The following PPIP5K2 variants were observed in gnomAD, a reference collection of about 807,000 sequenced individuals.
PPIP5K2 encodes inositol hexakisphosphate and diphosphoinositol-pentakisphosphate kinase 2.
A neutral mutation model predicts 154.6 loss-of-function variants in PPIP5K2; 105 were observed. The ratio of observed to expected loss-of-function variants is 0.68; its 90% CI spans 0.58 to 0.80. The LOEUF is 0.80. PPIP5K2 is among the 30% of genes least tolerant of loss of function. PPIP5K2 has a pLI of 0.00. For missense variants in PPIP5K2, 992 were observed against 1,504.6 expected (o/e 0.66, Z 5.64); for synonymous variants, 480 against 490.3 (o/e 0.98, Z 0.28).
chr5:103,173,351 C>T (rs2149703226), intron 20 of PPIP5K2, 69 bp downstream of exon 20: 3 of 1,498,448 alleles, frequency 2.0e-6, no homozygotes, highest in Non-Finnish European at 2.7e-6. Flanking sequence ...TTAAATTATA[C>T]TTTGATGGTC....
chr5:103,139,316 C>T (rs1173243717), intron 5 of PPIP5K2, among the ~76,000 whole-genome samples: 1 of 151,962 alleles, frequency 6.6e-6, no homozygotes, highest in Non-Finnish European at 1.5e-5. Flanking sequence ...CCAAATATAC[C>T]CTCCAGTGAT....
chr5:103,120,811 G>A (rs1491000092), intron 1 of PPIP5K2: 1 of 271,322 alleles, frequency 3.7e-6, no homozygotes, highest in Non-Finnish European at 7.7e-6. Flanking sequence ...CTCCACTGAA[G>A]TGATTAGCCT....
Position 103,154,705 on chromosome 5 carries a change from A to G in PPIP5K2, c.1253A>G (p.Lys418Arg). The change falls in exon 12 of 31, where the codon AAA becomes AGA. Residue 418 changes from lysine (K) to arginine (R), a missense_variant. By Grantham distance (26) the Lys-to-Arg change is conservative (BLOSUM62 2). Coordinates refer to ENST00000358359, the MANE Select transcript of PPIP5K2 (RefSeq NM_001276277.3). The part of the protein sequence containing the change: ...FDLFEKCDGY[K>R]SGKLKLKKPK... ...CTTTTTGAAAAGTGTGATGGATATA[A>G]ATCAGGGAAATTAAAACTCAAAAAA... 6.3e-7 allele frequency: 1 copy of G among 1,579,196 alleles called. No individual in the cohort carries two copies. Among genetic ancestry groups the G allele is most frequent in the Non-Finnish European group, 8.6e-7 (1 of 1,157,034 alleles).
chr5:103,194,795 T>C (rs1026537505), intron 29 of PPIP5K2, 105 bp from the exon 30 acceptor site: 21 of 1,255,680 alleles, frequency 1.7e-5, no homozygotes, highest in African/African-American at 7.5e-5. Context: ...TCTTCTGTTA[T>C]TATGAATATT....
At chr5:103,165,453 T>G (rs556840249) in intron 17 of PPIP5K2, among the ~76,000 whole-genome samples, 2 of 152,118 alleles carry the variant, frequency 1.3e-5, no homozygotes, top group Non-Finnish European at 2.9e-5. Context: ...ATTTCAACTT[T>G]TTTTTACACT....
intron 30 of PPIP5K2, among the ~76,000 whole-genome samples, chr5:103,200,148 G>C (rs562463263): frequency 6.6e-6 from 1 of 152,300 alleles, no homozygotes; most frequent in African/African-American, 2.4e-5. Context: ...GTTCCGTGAA[G>C]TGGCTGGCAA....
chr5:103,199,613 A>G (rs568267261), intron 30 of PPIP5K2, among the ~76,000 whole-genome samples: 31 of 151,518 alleles, frequency 2.0e-4, no homozygotes, highest in Admixed American at 2.0e-3. Flanking sequence ...AGGCATATTT[A>G]TGTCTATTTT....
At chr5:103,128,783 T>C (rs1790139192) in intron 1 of PPIP5K2, among the ~76,000 whole-genome samples, 1 of 152,204 alleles carries the variant, frequency 6.6e-6, no homozygotes, top group African/African-American at 2.4e-5. Flanking sequence ...CTGACTCTAA[T>C]CTTTTTTTGT....
chr5:103,152,548 CTAGA>C, intron 9 of PPIP5K2, 96 bp from the exon 10 acceptor site: 1 of 676,706 alleles, frequency 1.5e-6, no homozygotes, highest in Non-Finnish European at 2.6e-6. Context: ...GATGTAATCA[CTAGA>C]TAGTTTAACT....
At chr5:103,187,084 T>C (rs1483924444) in intron 27 of PPIP5K2, among the ~76,000 whole-genome samples, 6 of 152,280 alleles carry the variant, frequency 3.9e-5, no homozygotes, top group Admixed American at 1.3e-4. Flanking sequence ...TTACCAGAAT[T>C]GCCAGCTCAT....
rs1803328695 is a variant in PPIP5K2 at position 103,203,880 on chromosome 5, A to G, written c.*2246A>G. The G allele has an allele frequency of 6.6e-6, 1 of 152,232 alleles. No individual in the cohort carries two copies. The highest frequency in any genetic ancestry group is 1.9e-4 in the East Asian group (1 of 5,194). The allele number at this position is 152,232 out of a possible 1,614,324, so 9.4% of individuals were successfully genotyped here. On this transcript the variant is annotated 3_prime_UTR_variant, in exon 31 of 31. Transcript: ENST00000358359. ...CTAGCAAATTTGGGGGGCGTGGTAC[A>G]GCAATTTTGGGTGAAGAAAAGTGTG...
In PPIP5K2 at chr5:103,183,268, G is replaced by A. The variant is rs781810280; in HGVS notation, c.2957G>A (p.Gly986Asp). 1 of 1,513,768 alleles carries A rather than the reference G, an allele frequency of 6.6e-7. No individual in the cohort carries two copies. The highest frequency in any genetic ancestry group is 8.9e-7 in the Non-Finnish European group (1 of 1,129,096). 93.8% of individuals were successfully genotyped at this position (1,513,768 alleles called of 1,614,324 possible). A position where few individuals can be genotyped will look rare whatever the true frequency, so the allele number is the denominator to read the frequency against. The change falls in exon 25 of 31, where the codon GGT (glycine) becomes GAT (aspartate). Residue 986 changes from glycine to aspartate, a missense_variant. By Grantham distance (94) the Gly-to-Asp change is moderately conservative. Coordinates refer to ENST00000358359, the MANE Select transcript of PPIP5K2 (RefSeq NM_001276277.3). ...ESPLSVSSPEGTGTWLHYTSG... is the reference protein window; with the variant it reads ...ESPLSVSSPEDTGTWLHYTSG... ...CCCCTGAGTGTGTCTAGCCCAGAGGGTACTGGTACCTGGCTGCATTATACC... is the reference window on the plus strand; with the variant it reads ...CCCCTGAGTGTGTCTAGCCCAGAGGATACTGGTACCTGGCTGCATTATACC...
intron 11 of PPIP5K2, 66 bp downstream of exon 11, chr5:103,154,000 C>T: frequency 1.6e-6 from 2 of 1,225,144 alleles, no homozygotes; most frequent in Non-Finnish European, 2.3e-6. Flanking sequence ...AAGTGATCAA[C>T]TCTTTTGATT....
chr5:103,175,258 A>C (rs1554220656), intron 21 of PPIP5K2, among the ~76,000 whole-genome samples: 1 of 152,114 alleles, frequency 6.6e-6, no homozygotes, highest in Non-Finnish European at 1.5e-5. Context: ...AGTGATCCTA[A>C]GGGTGTTTCA....
chr5:103,210,424 A>C lies in PPIP5K2; in HGVS notation c.*8790A>C, dbSNP rs1040573259. On this transcript the variant is annotated 3_prime_UTR_variant, in exon 31 of 31. Transcript: ENST00000358359. The stretch of plus-strand genomic sequence containing the variant: ...ATGAGGTTATGATGATTTTTTCTCT[A>C]CACTTTTTGAGAAGCCTCTTCAGAA... 6.6e-6 allele frequency: 1 copy of C among 152,212 alleles called. No homozygotes were observed. Among genetic ancestry groups the C allele is most frequent in the Non-Finnish European group, 1.5e-5 (1 of 67,986 alleles). 9.4% of individuals were successfully genotyped at this position (152,212 alleles called of 1,614,324 possible). A position where few individuals can be genotyped will look rare whatever the true frequency, so the allele number is the denominator to read the frequency against.
chr5:103,134,523 AT>A (rs2149475775), intron 3 of PPIP5K2, among the ~76,000 whole-genome samples: 1 of 152,272 alleles, frequency 6.6e-6, no homozygotes, highest in East Asian at 1.9e-4. Flanking sequence ...ATTGATGTTC[AT>A]TATTTCATAG....
Position 103,151,278 on chromosome 5 carries a change from T to C in PPIP5K2, c.932T>C (p.Leu311Ser). Residue 311 changes from leucine (L) to serine (S), a missense_variant, in exon 9 of 31, where the codon TTA (leucine) becomes TCA (serine). Around this residue, in one of 9 missense-constraint regions of PPIP5K2, gnomAD observed 163 missense variants for 285.2 expected, o/e 0.57. Coordinates refer to ENST00000358359, the MANE Select transcript of PPIP5K2 (RefSeq NM_001276277.3). ...CAAACAGTTTGTGGCTTTGATTTGT[T>C]ACGGGCCAATGGACAGTCCTATGTC... is the stretch of plus-strand genomic sequence containing the variant. The part of the protein sequence containing the change: ...FKQTVCGFDL[L>S]RANGQSYVCD... The C allele has an allele frequency of 6.2e-7, 1 of 1,607,434 alleles. No individual in the cohort carries two copies. The highest frequency in any genetic ancestry group is 8.5e-7 in the Non-Finnish European group (1 of 1,176,044).
chr5:103,176,461 G>C (rs1798725220), intron 21 of PPIP5K2, among the ~76,000 whole-genome samples: 1 of 151,652 alleles, frequency 6.6e-6, no homozygotes, highest in African/African-American at 2.4e-5. Flanking sequence ...TCCTAAACTT[G>C]CACACATGCA....
Position 103,120,505 on chromosome 5 carries a change from G to A in PPIP5K2, c.-285+17G>A, listed in dbSNP as rs1554198633. 4.4e-6 allele frequency: 2 copies of A among 456,618 alleles called. No homozygotes were observed. The highest frequency in any genetic ancestry group is 3.1e-5 in the South Asian group (2 of 64,564). The allele number at this position is 456,618 out of a possible 1,614,324, so 28.3% of individuals were successfully genotyped here. ...TCGTGGCAGGTGAGGGCCCAAAACCGGAGGAGAACCGGAGATGCGGAACCT... is the reference window on the plus strand; with the variant it reads ...TCGTGGCAGGTGAGGGCCCAAAACCAGAGGAGAACCGGAGATGCGGAACCT... On this transcript the variant is annotated intron_variant, in intron 1 of 30. Transcript: ENST00000358359.
Sources: allele counts gnomAD v4.1 joint callset (sites outside exome capture counted in the v4.1 genomes callset), GRCh38; gene constraint gnomAD v4.1.1; regional missense constraint gnomAD v4.1.1; transcripts MANE v1.5; gene names NCBI Gene and HGNC (gene_info 2026-07-23, HGNC 2026-07-21).